The following KCNN2 variants were observed in gnomAD, a reference collection of about 807,000 sequenced individuals.
The protein encoded by KCNN2 is small conductance calcium-activated potassium channel protein 2.
Under a neutral mutation model 55.5 loss-of-function variants are expected in KCNN2, and 24 were observed. The ratio of observed to expected loss-of-function variants is 0.43; its 90% CI spans 0.31 to 0.61. The LOEUF (loss-of-function observed/expected upper bound fraction) is 0.61, where lower values mean the gene tolerates loss of function less well. Ranked by LOEUF, KCNN2 falls within the 20% of genes least tolerant of loss-of-function variation. The pLI, the probability that KCNN2 is intolerant of heterozygous loss-of-function variation, is 0.08. For synonymous variants in KCNN2, 431 were observed against 336.1 expected (o/e 1.28, Z -3.09); for missense variants, 754 against 853.6 (o/e 0.88, Z 1.45).
intron 2 of KCNN2, among the ~76,000 whole-genome samples, chr5:114,401,089 T>C (rs1758775501): frequency 6.6e-6 from 1 of 151,920 alleles, no homozygotes; most frequent in Non-Finnish European, 1.5e-5. Context: ...ACCTGGCACA[T>C]AGTATTTAGT....
At chr5:114,337,075 A>G (rs1001945501) in intron 2 of KCNN2, among the ~76,000 whole-genome samples, 1 of 152,196 alleles carries the variant, frequency 6.6e-6, no homozygotes, top group African/African-American at 2.4e-5. Context: ...AGAGGTTGGC[A>G]GGAGTGGAAG....
intron 3 of KCNN2, among the ~76,000 whole-genome samples, chr5:114,445,444 A>G (rs1276582649): frequency 2.0e-5 from 3 of 152,208 alleles, no homozygotes; most frequent in Admixed American, 1.3e-4. Context: ...AAAATACACA[A>G]GTTAAGAAAC....
At chr5:114,385,652 C>A (rs1156658192) in intron 2 of KCNN2, among the ~76,000 whole-genome samples, 1 of 152,086 alleles carries the variant, frequency 6.6e-6, no homozygotes, top group Non-Finnish European at 1.5e-5. Context: ...ATACCACTTT[C>A]ACCCAGGTGC....
chr5:114,100,959 C>G (rs1478582109), intron 1 of KCNN2, among the ~76,000 whole-genome samples: 1 of 151,588 alleles, frequency 6.6e-6, no homozygotes, highest in African/African-American at 2.4e-5. Flanking sequence ...TATTGTAGAT[C>G]TCTTTTCAAA....
chr5:114,154,245 A>T (rs1332004134), intron 1 of KCNN2, among the ~76,000 whole-genome samples: 1 of 152,098 alleles, frequency 6.6e-6, no homozygotes, highest in Non-Finnish European at 1.5e-5. Flanking sequence ...CAAAGGGAAA[A>T]CCCTGAGAAA....
At chr5:114,197,947 C>G (rs941926955) in intron 1 of KCNN2, among the ~76,000 whole-genome samples, 1 of 151,944 alleles carries the variant, frequency 6.6e-6, no homozygotes, top group Non-Finnish European at 1.5e-5. Context: ...GGACAATTTC[C>G]AGGGAATATG....
intron 2 of KCNN2, among the ~76,000 whole-genome samples, chr5:114,388,216 G>A (rs547581308): frequency 3.9e-5 from 6 of 152,128 alleles, no homozygotes; most frequent in East Asian, 1.9e-4. Context: ...TTTTGGGTTC[G>A]TAATGTTTTC....
At chr5:114,090,279 T>C (rs1751110383) in intron 1 of KCNN2, among the ~76,000 whole-genome samples, 1 of 152,160 alleles carries the variant, frequency 6.6e-6, no homozygotes, top group Admixed American at 6.5e-5. Context: ...GAAATTAGGA[T>C]ATACTGATTC....
chr5:114,275,742 C>T (rs1755474500), intron 2 of KCNN2, among the ~76,000 whole-genome samples: 1 of 151,072 alleles, frequency 6.6e-6, no homozygotes, highest in Non-Finnish European at 1.5e-5. Flanking sequence ...TATTAGTCTT[C>T]CTAGCGATCT....
intron 4 of KCNN2, among the ~76,000 whole-genome samples, chr5:114,471,065 C>CTT (rs567141024): frequency 9.5e-4 from 145 of 152,256 alleles, no homozygotes; most frequent in African/African-American, 3.3e-3. Flanking sequence ...GACATTCATA[C>CTT]TTTATCATAT....
chr5:114,190,377 T>G (rs1753425762), intron 1 of KCNN2, among the ~76,000 whole-genome samples: 1 of 152,142 alleles, frequency 6.6e-6, no homozygotes, highest in Non-Finnish European at 1.5e-5. Flanking sequence ...TAATGGAATA[T>G]TATACATATT....
chr5:114,456,305 G>A (rs1760924565), intron 3 of KCNN2, among the ~76,000 whole-genome samples: 1 of 152,100 alleles, frequency 6.6e-6, no homozygotes, highest in Non-Finnish European at 1.5e-5. Flanking sequence ...CCCTGTAAAT[G>A]GAACAACAAA....
chr5:114,267,344 A>G (rs181640970), intron 2 of KCNN2, among the ~76,000 whole-genome samples: 1 of 152,052 alleles, frequency 6.6e-6, no homozygotes, highest in African/African-American at 2.4e-5. Context: ...TCGTGTGAGC[A>G]TCTCTGGATC....
At chr5:114,448,527 A>G (rs1760513094) in intron 3 of KCNN2, among the ~76,000 whole-genome samples, 1 of 152,212 alleles carries the variant, frequency 6.6e-6, no homozygotes, top group Admixed American at 6.5e-5. Flanking sequence ...TTAGAATTGA[A>G]GTGGGAAAAT....
intron 7 of KCNN2, among the ~76,000 whole-genome samples, chr5:114,494,769 C>T (rs186553639): frequency 3.9e-4 from 60 of 152,256 alleles, no homozygotes; most frequent in Non-Finnish European, 7.6e-4. Flanking sequence ...ATGCTGTTCA[C>T]ATATTCTCAA....
intron 3 of KCNN2, among the ~76,000 whole-genome samples, chr5:114,421,284 TTAA>T (rs1470859081): frequency 1.3e-5 from 2 of 151,334 alleles, no homozygotes; most frequent in African/African-American, 4.9e-5. Context: ...AATTAATTAA[TTAA>T]TTTTATTTTT....
Position 114,114,341 on chromosome 5 carries a change from G to A in KCNN2, c.-271+57841G>A, listed in dbSNP as rs574367936. ...ACTCCTGGGCTCAAGTGATCCTCTT[G>A]CTTAGCCTCCTGATTAGCTAGGATG... On this transcript the variant is annotated intron_variant, in intron 1 of 10. Coordinates refer to the KCNN2 transcript ENST00000512097. Among the ~76,000 whole-genome samples, 3 of 151,884 alleles carry A rather than the reference G, an allele frequency of 2.0e-5. No homozygotes were observed. The South Asian group carries it at 6.2e-4, about 32-fold the overall frequency.
chr5:114,288,499 T>TACACACACAC (rs1203371494), intron 2 of KCNN2, among the ~76,000 whole-genome samples: 6,271 of 139,480 alleles, frequency 0.045, 151 homozygotes, highest in Non-Finnish European at 0.057. Flanking sequence ...TATATATATA[T>TACACACACAC]ACACACACAC....
chr5:114,158,597 A>G lies in KCNN2; in HGVS notation c.-270-62883A>G, dbSNP rs976870187. Among the ~76,000 whole-genome samples, 18 of 151,896 alleles carry G rather than the reference A, an allele frequency of 1.2e-4. No individual in the cohort carries two copies. In the East Asian group the frequency reaches 1.9e-3, roughly 16 times the overall value. ...GAATCTATAAATTACCTTGGGCAGT[A>G]TGGCCATTTTCATGATATTGATTCT... is the stretch of plus-strand genomic sequence containing the variant. On this transcript the variant is annotated intron_variant, in intron 1 of 10. Coordinates refer to the KCNN2 transcript ENST00000512097.
Sources: gnomAD v4.1 joint callset for allele counts (sites outside exome capture counted in the v4.1 genomes callset) on GRCh38, gnomAD v4.1.1 for gene constraint, MANE v1.5 for transcripts, NCBI Gene and HGNC (gene_info 2026-07-23, HGNC 2026-07-21) for gene names.